CSMD1: variants seen among roughly 807,000 people sequenced by gnomAD.
The protein encoded by CSMD1 is CUB and Sushi multiple domains 1.
In CSMD1, 213 loss-of-function variants were observed where a neutral mutation model predicts 417.5. The observed-to-expected ratio is 0.51, with a 90% CI of 0.46 to 0.57. The LOEUF (loss-of-function observed/expected upper bound fraction) is 0.57. Ranked by LOEUF, CSMD1 falls within the 20% of genes least tolerant of loss-of-function variation. The probability of loss-of-function intolerance (pLI) is 0.00; values close to 1 mark genes in which losing one functional copy is unlikely to be tolerated. For missense variants in CSMD1, 6,923 were observed against 4,529.7 expected (o/e 1.53, Z -15.17); for synonymous variants, 2,862 against 1,736.8 (o/e 1.65, Z -16.11).
At chr8:3,043,855 C>T (rs1242100013) in intron 50 of CSMD1, 1 of 152,390 alleles carries the variant, frequency 6.6e-6, no homozygotes, top group African/African-American at 2.4e-5. Flanking sequence ...GCAATTTGTT[C>T]TCTAATTAAA....
intron 8 of CSMD1, among the ~76,000 whole-genome samples, chr8:3,600,127 A>G (rs1801291225): frequency 6.6e-6 from 1 of 152,062 alleles, no homozygotes. Flanking sequence ...TTAATTTAAG[A>G]CACACACACA....
rs937777648 is a variant in CSMD1 at position 4,624,921 on chromosome 8, T to G, written c.302+12421A>C. Reference sequence around the variant, plus strand: ...CTGGCATTCTTTTTTAAAATTAAAGTGTGCTCCTGGTAGAGAACAGCAGTT... The same window carrying G: ...CTGGCATTCTTTTTTAAAATTAAAGGGTGCTCCTGGTAGAGAACAGCAGTT... On this transcript the variant is annotated intron_variant, in intron 2 of 69. Transcript: ENST00000635120. Among the ~76,000 whole-genome samples, 53 of 152,278 alleles carry G rather than the reference T, an allele frequency of 3.5e-4. 1 individual carries two copies. The highest frequency in any genetic ancestry group is 1.5e-4 in the Non-Finnish European group (10 of 68,016).
At chr8:4,211,372 G>C (rs1287021077) in intron 3 of CSMD1, among the ~76,000 whole-genome samples, 3 of 152,014 alleles carry the variant, frequency 2.0e-5, no homozygotes, top group African/African-American at 7.3e-5. Flanking sequence ...TTTCTTTGAA[G>C]TAATGCAATT....
At chr8:4,553,223 A>C (rs1188261184) in intron 2 of CSMD1, among the ~76,000 whole-genome samples, 1 of 152,144 alleles carries the variant, frequency 6.6e-6, no homozygotes, top group Admixed American at 6.6e-5. Context: ...CTCAGCTCTA[A>C]AATCTGGACA....
intron 1 of CSMD1, among the ~76,000 whole-genome samples, chr8:4,872,394 G>A (rs1802786547): frequency 6.6e-6 from 1 of 152,042 alleles, no homozygotes; most frequent in African/African-American, 2.4e-5. Context: ...TGGTTTCCCT[G>A]ATGCTGCTCT....
chr8:4,573,375 C>G (rs571892030), intron 2 of CSMD1, among the ~76,000 whole-genome samples: 2 of 152,100 alleles, frequency 1.3e-5, no homozygotes, highest in African/African-American at 2.4e-5. Flanking sequence ...AACAGTCAGG[C>G]CCCTCTTCTG....
At chr8:3,097,286 A>G (rs1196144730) in intron 46 of CSMD1, among the ~76,000 whole-genome samples, 1 of 152,152 alleles carries the variant, frequency 6.6e-6, no homozygotes, top group African/African-American at 2.4e-5. Context: ...CATCTCCCAC[A>G]CACCTTAATT....
chr8:4,483,480 G>A (rs527469407), intron 2 of CSMD1, among the ~76,000 whole-genome samples: 5 of 152,198 alleles, frequency 3.3e-5, no homozygotes, highest in East Asian at 1.9e-4. Flanking sequence ...ACTTCTAATC[G>A]ATAAAGCAAT....
chr8:3,736,750 T>C (rs751532274), intron 6 of CSMD1, among the ~76,000 whole-genome samples: 153 of 152,192 alleles, frequency 1.0e-3, no homozygotes, highest in Non-Finnish European at 2.0e-3. Context: ...CCTTTACCAA[T>C]CATTAGGTGT....
chr8:3,659,535 G>A (rs902894466), intron 7 of CSMD1, among the ~76,000 whole-genome samples: 1 of 152,156 alleles, frequency 6.6e-6, no homozygotes, highest in Non-Finnish European at 1.5e-5. Flanking sequence ...GTCCTGGGAT[G>A]ATCCTAGTTC....
At chr8:3,778,223 G>T (rs958950832) in intron 5 of CSMD1, among the ~76,000 whole-genome samples, 1 of 151,636 alleles carries the variant, frequency 6.6e-6, no homozygotes, top group African/African-American at 2.4e-5. Context: ...TTAGAGGTCT[G>T]TGGAACTGAC....
intron 26 of CSMD1, among the ~76,000 whole-genome samples, chr8:3,259,104 G>A (rs544812657): frequency 1.3e-5 from 2 of 152,298 alleles, no homozygotes; most frequent in East Asian, 3.9e-4. Context: ...CTTAACCACA[G>A]CTTTTATGAC....
chr8:4,118,925 G>C (rs766414547), intron 3 of CSMD1, among the ~76,000 whole-genome samples: 1 of 152,172 alleles, frequency 6.6e-6, no homozygotes, highest in Non-Finnish European at 1.5e-5. Flanking sequence ...AAAAGGATGA[G>C]TTCATTTCCT....
chr8:4,212,730 G>C (rs1030149565), intron 3 of CSMD1, among the ~76,000 whole-genome samples: 1 of 134,052 alleles, frequency 7.5e-6, no homozygotes, highest in African/African-American at 2.9e-5. Context: ...ATTGTGAAAA[G>C]TTTACAACAG....
At chr8:4,657,052 G>A (rs1184462369) in intron 1 of CSMD1, among the ~76,000 whole-genome samples, 1 of 152,056 alleles carries the variant, frequency 6.6e-6, no homozygotes, top group South Asian at 2.1e-4. Context: ...CACAATGGAG[G>A]CAAATAACAC....
intron 3 of CSMD1, among the ~76,000 whole-genome samples, chr8:4,256,833 C>G (rs980727390): frequency 6.6e-6 from 1 of 152,210 alleles, no homozygotes; most frequent in Non-Finnish European, 1.5e-5. Context: ...GAGCAAAGAA[C>G]AGCTATCCCT....
chr8:3,518,919 A>G (rs1490589394), intron 10 of CSMD1, among the ~76,000 whole-genome samples: 1 of 152,192 alleles, frequency 6.6e-6, no homozygotes, highest in Non-Finnish European at 1.5e-5. Context: ...GAGCTGTTGA[A>G]TCTCCTCATA....
chr8:3,696,109 C>T (rs1800537350), intron 7 of CSMD1, among the ~76,000 whole-genome samples: 1 of 152,114 alleles, frequency 6.6e-6, no homozygotes, highest in Non-Finnish European at 1.5e-5. Flanking sequence ...TATCAGTTAC[C>T]TTGAATTTTC....
chr8:3,532,297 G>A (rs1276239180), intron 10 of CSMD1, among the ~76,000 whole-genome samples: 1 of 152,108 alleles, frequency 6.6e-6, no homozygotes, highest in Non-Finnish European at 1.5e-5. Flanking sequence ...GGTGTCACTG[G>A]CTGGCTCTTC....
Sources: gnomAD v4.1 joint callset for allele counts (sites outside exome capture counted in the v4.1 genomes callset) on GRCh38, gnomAD v4.1.1 for gene constraint, MANE v1.5 for transcripts, NCBI Gene and HGNC (gene_info 2026-07-23, HGNC 2026-07-21) for gene names.